NOS1: variants seen among roughly 807,000 people sequenced by gnomAD.
The protein encoded by NOS1 is NOS type I.
Under a neutral mutation model 164.5 loss-of-function variants are expected in NOS1, and 51 were observed. That is an observed-to-expected ratio of 0.31 (90% CI 0.25 to 0.39). NOS1 has a LOEUF of 0.39. Among genes scored for constraint, NOS1 ranks in the 10% least tolerant of loss-of-function variants. The pLI, the probability that NOS1 is intolerant of heterozygous loss-of-function variation, is 1.00. For synonymous variants in NOS1, 719 were observed against 745.8 expected (o/e 0.96, Z 0.59); for missense variants, 1,362 against 1,885.6 (o/e 0.72, Z 5.14).
At chr12:117,261,607 A>G (rs1166023636) in intron 13 of NOS1, among the ~76,000 whole-genome samples, 1 of 152,154 alleles carries the variant, frequency 6.6e-6, no homozygotes, top group Non-Finnish European at 1.5e-5. Flanking sequence ...ATGCATGTCA[A>G]GGGTCTTGCA....
chr12:117,320,878 T>C (rs889056054), intron 2 of NOS1, among the ~76,000 whole-genome samples: 1 of 152,204 alleles, frequency 6.6e-6, no homozygotes, highest in African/African-American at 2.4e-5. Context: ...TCAGTACAAA[T>C]GTTGTCTTTT....
At chr12:117,291,916 T>C (rs1873092088) in intron 3 of NOS1, among the ~76,000 whole-genome samples, 2 of 152,076 alleles carry the variant, frequency 1.3e-5, no homozygotes, top group African/African-American at 2.4e-5. Flanking sequence ...CAGGCAAGCA[T>C]TGGTCACTTA....
chr12:117,228,928 C>A (rs1180317964), intron 22 of NOS1, among the ~76,000 whole-genome samples: 1 of 152,086 alleles, frequency 6.6e-6, no homozygotes, highest in Non-Finnish European at 1.5e-5. Context: ...ACTACCGGTG[C>A]CCGCCACCAC....
chr12:117,335,260 G>A (rs1435176642), intron 1 of NOS1, among the ~76,000 whole-genome samples: 4 of 152,086 alleles, frequency 2.6e-5, no homozygotes, highest in Admixed American at 2.0e-4. Context: ...AAATCACACC[G>A]AGGCATCTCA....
intron 1 of NOS1, among the ~76,000 whole-genome samples, chr12:117,344,195 A>C (rs1227409162): frequency 6.6e-6 from 1 of 152,220 alleles, no homozygotes; most frequent in Non-Finnish European, 1.5e-5. Flanking sequence ...TTTGCTGGCC[A>C]CATGGAGCTA....
chr12:117,253,522 A>G, intron 17 of NOS1, 116 bp downstream of exon 17: 1 of 716,814 alleles, frequency 1.4e-6, no homozygotes. Context: ...AGCTGGTTTT[A>G]TGAGAAATGA....
intron 20 of NOS1, among the ~76,000 whole-genome samples, chr12:117,236,718 C>G (rs537818859): frequency 6.6e-6 from 1 of 152,212 alleles, no homozygotes; most frequent in African/African-American, 2.4e-5. Context: ...CCAAAGGAAG[C>G]CTTTGAAAGG....
chr12:117,246,838 A>G (rs1415606052), intron 18 of NOS1, among the ~76,000 whole-genome samples: 2 of 152,158 alleles, frequency 1.3e-5, no homozygotes, highest in Non-Finnish European at 2.9e-5. Context: ...AGAATATTCC[A>G]TTGCATTGAT....
intron 3 of NOS1, among the ~76,000 whole-genome samples, chr12:117,302,758 T>G (rs1470788368): frequency 1.3e-5 from 2 of 152,040 alleles, no homozygotes; most frequent in Non-Finnish European, 2.9e-5. Flanking sequence ...ATTTTTTTAT[T>G]TTTTTGAGAT....
At chr12:117,302,136 C>G (rs1593005140) in intron 3 of NOS1, 1 of 456,360 alleles carries the variant, frequency 2.2e-6, no homozygotes, top group Non-Finnish European at 4.4e-6. Flanking sequence ...AAGCCATGGA[C>G]TTAAAGTGCT....
intron 16 of NOS1, among the ~76,000 whole-genome samples, chr12:117,257,146 T>C (rs1871526164): frequency 6.6e-6 from 1 of 152,110 alleles, no homozygotes; most frequent in Admixed American, 6.5e-5. Context: ...TGCCGTGGTA[T>C]AATTATGGCT....
chr12:117,330,895 G>C lies in NOS1; in HGVS notation c.175C>G (p.Gln59Glu). The change falls in exon 2 of 29, where the codon CAG (glutamine) becomes GAG (glutamate). Residue 59 changes from glutamine to glutamate, a missense_variant. Gln to Glu is a conservative substitution (Grantham distance 29). This residue lies in a region of NOS1 where 362 missense variants were observed against 402.0 expected (regional missense o/e 0.90). Transcript: ENST00000317775. This position sits in a 1 kb window ranked among gnomAD's most constrained non-coding sequence, Gnocchi z 4.6. ...GGAAEQSGLI[Q>E]AGDIILAVNG... ...ACCGCAAGAATGATGTCTCCGGCCT[G>C]GATGAGGCCACTCTGCTCTGCGGCG... 6.2e-7 allele frequency: 1 copy of C among 1,614,176 alleles called. No individual in the cohort carries two copies.
chr12:117,337,835 T>C (rs1875911100), intron 1 of NOS1, among the ~76,000 whole-genome samples: 1 of 152,126 alleles, frequency 6.6e-6, no homozygotes, highest in Middle Eastern at 3.2e-3. Flanking sequence ...TCCCAGCACA[T>C]TGGGAGGCTG....
intron 25 of NOS1, among the ~76,000 whole-genome samples, chr12:117,223,487 C>G (rs1238380987): frequency 6.6e-6 from 1 of 151,978 alleles, no homozygotes; most frequent in African/African-American, 2.4e-5. Flanking sequence ...GTCTCGAACT[C>G]CTGACCTTGT....
Position 117,280,705 on chromosome 12 carries a change from G to A in NOS1, c.1524+20C>T. On this transcript the variant is annotated intron_variant, in intron 8 of 28. Transcript: ENST00000317775. ...TAAGAGCCCATGTTGGGGCAGGGTA[G>A]GGGGCGGAAACGCTCGCACCTCTGT... is the stretch of plus-strand genomic sequence containing the variant. 1 of 1,608,246 alleles carries A rather than the reference G, an allele frequency of 6.2e-7. No homozygotes were observed. Among genetic ancestry groups the A allele is most frequent in the Non-Finnish European group, 8.5e-7 (1 of 1,175,928 alleles).
At chr12:117,359,252 G>A (rs956752708) in intron 1 of NOS1, among the ~76,000 whole-genome samples, 10 of 151,760 alleles carry the variant, frequency 6.6e-5, no homozygotes, top group African/African-American at 2.4e-4. Context: ...GGGACCTGCC[G>A]AGGCTTCTCA....
rs369277356 is a variant in NOS1 at position 117,218,048 on chromosome 12, A to G, written c.4287T>C (p.Asp1429=). 61 of 1,609,904 alleles carry G rather than the reference A, an allele frequency of 3.8e-5. No individual in the cohort carries two copies. The highest frequency in any genetic ancestry group is 4.6e-5 in the Non-Finnish European group (54 of 1,176,286). Residue 1429 remains aspartate (D), a splice_region_variant and synonymous_variant, in exon 28 of 29, where the codon GAT becomes GAC. Coordinates refer to ENST00000317775, the MANE Select transcript of NOS1 (RefSeq NM_000620.5). Reference sequence around the variant, plus strand: ...ACCCAGGGATGGAGCCAGCTTACTCATCGGTGTCTTTTTTGCTCTCTTCAA... The same window carrying G: ...ACCCAGGGATGGAGCCAGCTTACTCGTCGGTGTCTTTTTTGCTCTCTTCAA... ...AFIEESKKDT[D]EVFSS
At chr12:117,247,187 C>T (rs890974939) in intron 18 of NOS1, among the ~76,000 whole-genome samples, 161 bp downstream of exon 18, 2 of 152,020 alleles carry the variant, frequency 1.3e-5, no homozygotes, top group Non-Finnish European at 2.9e-5. Context: ...TTTCAGGACA[C>T]CCAAATTTGT....
At chr12:117,264,212 G>A (rs1872182826) in intron 12 of NOS1, among the ~76,000 whole-genome samples, 2 of 152,040 alleles carry the variant, frequency 1.3e-5, no homozygotes, top group South Asian at 4.2e-4. Flanking sequence ...TTTCCCCTTG[G>A]CCCCCAGTCC....
Sources: gnomAD v4.1 joint callset for allele counts (sites outside exome capture counted in the v4.1 genomes callset) on GRCh38, gnomAD v4.1.1 for gene constraint, gnomAD v4.1.1 regional missense constraint, Gnocchi (gnomAD v3.1) non-coding constraint, MANE v1.5 for transcripts, NCBI Gene and HGNC (gene_info 2026-07-23, HGNC 2026-07-21) for gene names.